SGIP1: variants seen among roughly 807,000 people sequenced by gnomAD.
SGIP1 encodes SH3GL interacting endocytic adaptor 1.
In SGIP1, 38 loss-of-function variants were observed where a neutral mutation model predicts 107.5. That is an observed-to-expected ratio of 0.35 (90% confidence interval 0.27 to 0.46). The LOEUF is 0.46. Ranked by LOEUF, SGIP1 falls within the 20% of genes least tolerant of loss-of-function variation. The pLI is 1.00. For synonymous variants in SGIP1, 365 were observed against 366.1 expected (o/e 1.00, Z 0.03); for missense variants, 929 against 1,019.5 (o/e 0.91, Z 1.21).
At position 66,677,224 on chromosome 1, in the gene SGIP1, G is replaced by A. The variant is rs2085593017; in HGVS notation, c.739+128G>A. The A allele has an allele frequency of 1.9e-5, 13 of 680,108 alleles. No individual in the cohort carries two copies. In the South Asian group the frequency reaches 2.7e-4, roughly 14 times the overall value. 42.1% of individuals were successfully genotyped at this position (680,108 alleles called of 1,614,324 possible). Reference sequence around the variant, plus strand: ...TTAGAACTGAATAATATTAAGAAGAGATGTTATTCTAACAGGCTTTCAAGT... The same window carrying A: ...TTAGAACTGAATAATATTAAGAAGAAATGTTATTCTAACAGGCTTTCAAGT... On this transcript the variant is annotated intron_variant, in intron 13 of 24. Transcript: ENST00000371037.
At chr1:66,591,629 G>A (rs950694153) in intron 1 of SGIP1, among the ~76,000 whole-genome samples, 1 of 152,216 alleles carries the variant, frequency 6.6e-6, no homozygotes, top group African/African-American at 2.4e-5. Flanking sequence ...AAGAGACTGA[G>A]AAAAGAAATA....
intron 7 of SGIP1, among the ~76,000 whole-genome samples, chr1:66,649,506 G>A (rs543523570): frequency 2.0e-4 from 30 of 152,310 alleles, no homozygotes; most frequent in South Asian, 1.5e-3. Flanking sequence ...CTAGTGCAGT[G>A]TAAAGACCAC....
At chr1:66,546,726 T>C (rs528101043) in intron 1 of SGIP1, among the ~76,000 whole-genome samples, 1 of 152,340 alleles carries the variant, frequency 6.6e-6, no homozygotes, top group South Asian at 2.1e-4. Context: ...TGACTTTAAA[T>C]AAGGCTTTAA....
At chr1:66,546,227 C>T (rs1344629029) in intron 1 of SGIP1, among the ~76,000 whole-genome samples, 5 of 152,168 alleles carry the variant, frequency 3.3e-5, no homozygotes, top group South Asian at 2.1e-4. Flanking sequence ...CCAAAGCACC[C>T]ATCTGCCACG....
chr1:66,579,616 T>C (rs984252476), intron 1 of SGIP1, among the ~76,000 whole-genome samples: 1 of 152,224 alleles, frequency 6.6e-6, no homozygotes, highest in Non-Finnish European at 1.5e-5. Flanking sequence ...TCTAACAGAC[T>C]GCTTGTAATT....
At chr1:66,669,894 C>T (rs1465336357) in intron 9 of SGIP1, among the ~76,000 whole-genome samples, 1 of 152,118 alleles carries the variant, frequency 6.6e-6, no homozygotes, top group Non-Finnish European at 1.5e-5. Flanking sequence ...TCTTATAGGT[C>T]AATTACAGAG....
rs1306587096 is a variant in SGIP1 at position 66,566,814 on chromosome 1, T to C, written c.10+32446T>C. ...ACCCATCAACCCGTCATCTAGGTTT[T>C]AAGCCCCACATGCATTAGGTATTTG... On this transcript the variant is annotated intron_variant, in intron 1 of 24. Transcript: ENST00000371037. Among the ~76,000 whole-genome samples, 3 of 152,060 alleles carry C rather than the reference T, an allele frequency of 2.0e-5. No individual in the cohort carries two copies. The South Asian group carries it at 6.2e-4, about 32-fold the overall frequency.
At chr1:66,578,752 A>G (rs989217971) in intron 1 of SGIP1, among the ~76,000 whole-genome samples, 1 of 151,928 alleles carries the variant, frequency 6.6e-6, no homozygotes, top group Non-Finnish European at 1.5e-5. Flanking sequence ...GCTCATCACA[A>G]TCTCCGCCTC....
At chr1:66,592,894 C>CTTTTT (rs1558004086) in intron 1 of SGIP1, among the ~76,000 whole-genome samples, 6 of 94,162 alleles carry the variant, frequency 6.4e-5, no homozygotes, top group African/African-American at 2.5e-4. Flanking sequence ...CTTTCTTCTT[C>CTTTTT]TTCTTTTTTT....
At chr1:66,600,051 T>C (rs1278616432) in intron 1 of SGIP1, among the ~76,000 whole-genome samples, 1 of 152,216 alleles carries the variant, frequency 6.6e-6, no homozygotes. Context: ...TGGTCTCCAC[T>C]GTAATGGGTA....
chr1:66,635,545 C>A (rs542389650), intron 3 of SGIP1, among the ~76,000 whole-genome samples: 10 of 152,288 alleles, frequency 6.6e-5, no homozygotes, highest in African/African-American at 2.4e-4. Flanking sequence ...AGGCTTTGAT[C>A]CAGGCTAAAC....
At chr1:66,685,465 A>G (rs984355096) in intron 15 of SGIP1, among the ~76,000 whole-genome samples, 1 of 152,242 alleles carries the variant, frequency 6.6e-6, no homozygotes, top group Non-Finnish European at 1.5e-5. Context: ...GTTGTGTGCC[A>G]GAGGCTGGAG....
At chr1:66,680,516 G>T (rs1571730392) in intron 14 of SGIP1, among the ~76,000 whole-genome samples, 1 of 152,208 alleles carries the variant, frequency 6.6e-6, no homozygotes, top group African/African-American at 2.4e-5. Flanking sequence ...GAGTTTGATA[G>T]CTGCAGAGTG....
At chr1:66,640,479 G>A (rs888300434) in intron 5 of SGIP1, among the ~76,000 whole-genome samples, 2 of 152,176 alleles carry the variant, frequency 1.3e-5, no homozygotes, top group African/African-American at 4.8e-5. Flanking sequence ...CATATACATA[G>A]AGGCTAACAG....
intron 13 of SGIP1, among the ~76,000 whole-genome samples, chr1:66,678,695 T>C (rs1462277188): frequency 6.6e-6 from 1 of 152,000 alleles, no homozygotes; most frequent in Non-Finnish European, 1.5e-5. Context: ...GGATGCTACC[T>C]AAAAATAATA....
At chr1:66,682,512 A>G in intron 15 of SGIP1, 143 bp downstream of exon 15, 1 of 988,940 alleles carries the variant, frequency 1.0e-6, no homozygotes, top group Non-Finnish European at 1.5e-6. Context: ...GTGGCCCCAC[A>G]GCATGTCCTA....
At chr1:66,731,749 C>T (rs1005450654) in intron 20 of SGIP1, among the ~76,000 whole-genome samples, 1 of 152,148 alleles carries the variant, frequency 6.6e-6, no homozygotes, top group Non-Finnish European at 1.5e-5. Context: ...CAGTACCAGC[C>T]TTTAGTGTCT....
At chr1:66,632,401 G>A (rs1437431243) in intron 2 of SGIP1, among the ~76,000 whole-genome samples, 1 of 152,158 alleles carries the variant, frequency 6.6e-6, no homozygotes, top group Non-Finnish European at 1.5e-5. Context: ...ATGGAGGAAA[G>A]TACCAATTCT....
At chr1:66,545,628 TTGTGTGTGTG>T (rs769603266) in intron 1 of SGIP1, among the ~76,000 whole-genome samples, 42 of 139,042 alleles carry the variant, frequency 3.0e-4, no homozygotes, top group South Asian at 2.5e-3. Context: ...ACTGAACAAA[TTGTGTGTGTG>T]TGTGTGTGTG....
Sources: allele counts gnomAD v4.1 joint callset (sites outside exome capture counted in the v4.1 genomes callset), GRCh38; gene constraint gnomAD v4.1.1; transcripts MANE v1.5; gene names NCBI Gene and HGNC (gene_info 2026-07-23, HGNC 2026-07-21).